The following NBAS variants were observed in gnomAD, a reference collection of about 807,000 sequenced individuals.
NBAS encodes the protein NBAS subunit of NRZ tethering complex.
NBAS carries 219 observed loss-of-function variants against 302.5 expected under a neutral mutation model. That is an observed-to-expected ratio of 0.72 (90% CI 0.65 to 0.81). The LOEUF (loss-of-function observed/expected upper bound fraction) is 0.81, where lower values mean the gene tolerates loss of function less well. Ranked by LOEUF, NBAS falls within the 30% of genes least tolerant of loss-of-function variation. The probability of loss-of-function intolerance (pLI) is 0.00; values close to 1 mark genes in which losing one functional copy is unlikely to be tolerated. For missense variants in NBAS, 2,932 were observed against 2,841.6 expected (o/e 1.03, Z -0.72); for synonymous variants, 1,118 against 1,021.6 (o/e 1.09, Z -1.80).
the NBAS span, among the ~76,000 whole-genome samples, chr2:15,132,284 G>A: frequency 6.6e-6 from 1 of 152,190 alleles, no homozygotes; most frequent in Admixed American, 6.5e-5. Flanking sequence ...AGACATGGAG[G>A]ACATTTATGT....
At chr2:15,132,968 A>G in the NBAS span, among the ~76,000 whole-genome samples, 2 of 152,216 alleles carry the variant, frequency 1.3e-5, no homozygotes, top group Non-Finnish European at 2.9e-5. Context: ...CTATTTTCTA[A>G]ATCATGTACA....
chr2:15,354,289 C>T (rs1240491588), intron 33 of NBAS, among the ~76,000 whole-genome samples: 1 of 152,198 alleles, frequency 6.6e-6, no homozygotes, highest in African/African-American at 2.4e-5. Context: ...GTGACCGAAT[C>T]ACCCCCCAAC....
chr2:15,538,844 C>A (rs1663652818), intron 7 of NBAS, among the ~76,000 whole-genome samples: 1 of 152,098 alleles, frequency 6.6e-6, no homozygotes, highest in Non-Finnish European at 1.5e-5. Context: ...CAAATTACTA[C>A]TACCATTTGT....
At chr2:15,233,642 A>G (rs905935743) in intron 46 of NBAS, among the ~76,000 whole-genome samples, 3 of 152,190 alleles carry the variant, frequency 2.0e-5, no homozygotes, top group African/African-American at 7.2e-5. Context: ...CAAACAATAA[A>G]ACAAAGCTTT....
At chr2:14,867,419 C>A in the NBAS span, among the ~76,000 whole-genome samples, 1 of 152,098 alleles carries the variant, frequency 6.6e-6, no homozygotes, top group Non-Finnish European at 1.5e-5. Context: ...AGCAATTGGC[C>A]TAGAAGAATA....
At chr2:15,061,967 C>G in the NBAS span, among the ~76,000 whole-genome samples, 1 of 152,328 alleles carries the variant, frequency 6.6e-6, no homozygotes, top group South Asian at 2.1e-4. Context: ...TGAAGCAAGA[C>G]AGTGATCCTC....
At chr2:15,536,599 A>G (rs1663531908) in intron 7 of NBAS, 48 bp from the exon 8 acceptor site, 5 of 1,463,982 alleles carry the variant, frequency 3.4e-6, no homozygotes, top group Non-Finnish European at 4.7e-6. Context: ...AAAACTAGAT[A>G]AAAGTTAACA....
At chr2:15,197,106 A>G (rs1419236734) in intron 48 of NBAS, among the ~76,000 whole-genome samples, 1 of 152,240 alleles carries the variant, frequency 6.6e-6, no homozygotes, top group African/African-American at 2.4e-5. Flanking sequence ...GGGGTGCAGT[A>G]GAAAGCAAAC....
chr2:15,340,825 G>A (rs763771196), intron 35 of NBAS, among the ~76,000 whole-genome samples: 6 of 152,076 alleles, frequency 3.9e-5, no homozygotes, highest in Non-Finnish European at 8.8e-5. Context: ...TATGTCAAAT[G>A]TTACTTATAG....
At chr2:14,801,438 T>G in the NBAS span, among the ~76,000 whole-genome samples, 1 of 152,196 alleles carries the variant, frequency 6.6e-6, no homozygotes, top group Non-Finnish European at 1.5e-5. Context: ...TAATTTACTA[T>G]TAATCCCATT....
chr2:14,974,184 C>A, the NBAS span, among the ~76,000 whole-genome samples: 1 of 152,192 alleles, frequency 6.6e-6, no homozygotes, highest in Admixed American at 6.5e-5. Context: ...CATTAAGCTC[C>A]TTGAGGGAAG....
At chr2:14,785,407 A>C in the NBAS span, among the ~76,000 whole-genome samples, 1 of 152,170 alleles carries the variant, frequency 6.6e-6, no homozygotes, top group Non-Finnish European at 1.5e-5. Context: ...CAGTTTTCAA[A>C]GGGAATGCTT....
At chr2:15,141,287 T>A in the NBAS span, among the ~76,000 whole-genome samples, 1 of 152,110 alleles carries the variant, frequency 6.6e-6, no homozygotes, top group South Asian at 2.1e-4. Flanking sequence ...AAACCCAACA[T>A]GTGTATATGA....
intron 48 of NBAS, among the ~76,000 whole-genome samples, chr2:15,205,613 T>C (rs929082466): frequency 3.3e-5 from 5 of 152,154 alleles, no homozygotes; most frequent in East Asian, 3.9e-4. Flanking sequence ...AGGAGTTGGA[T>C]TGGCTCTGTG....
the NBAS span, among the ~76,000 whole-genome samples, chr2:15,057,125 C>G: frequency 6.6e-6 from 1 of 152,030 alleles, no homozygotes; most frequent in Non-Finnish European, 1.5e-5. Context: ...CCACCGCACC[C>G]TGCCCTAATT....
the NBAS span, among the ~76,000 whole-genome samples, chr2:14,878,767 G>A: frequency 7.9e-5 from 12 of 152,080 alleles, no homozygotes; most frequent in Middle Eastern, 3.2e-3. Context: ...CCATCAAGTG[G>A]TACATTTGTT....
the NBAS span, among the ~76,000 whole-genome samples, chr2:14,857,796 G>C: frequency 6.6e-6 from 1 of 152,038 alleles, no homozygotes; most frequent in Non-Finnish European, 1.5e-5. Flanking sequence ...CACACGCACA[G>C]GCAACCAAAA....
chr2:14,906,115 T>A, the NBAS span, among the ~76,000 whole-genome samples: 1,968 of 152,022 alleles, frequency 0.013, 43 homozygotes, highest in African/African-American at 0.044. Context: ...GCAGCAGCAG[T>A]AGTAGTAGTA....
the NBAS span, among the ~76,000 whole-genome samples, chr2:15,017,616 A>T: frequency 2.4e-4 from 36 of 152,000 alleles, no homozygotes; most frequent in African/African-American, 8.2e-4. Flanking sequence ...CACAATGAAG[A>T]ATCTTCTCAC....
Sources: gnomAD v4.1 joint callset for allele counts (sites outside exome capture counted in the v4.1 genomes callset) on GRCh38, gnomAD v4.1.1 for gene constraint, MANE v1.5 for transcripts, NCBI Gene and HGNC (gene_info 2026-07-23, HGNC 2026-07-21) for gene names.